The following AGMO variants were observed in gnomAD, a reference collection of about 807,000 sequenced individuals.
The protein encoded by AGMO is alkylglycerol monooxygenase.
In AGMO, 75 loss-of-function variants were observed where a neutral mutation model predicts 60.2. The ratio of observed to expected loss-of-function variants is 1.25; its 90% CI spans 1.03 to 1.51. The LOEUF (loss-of-function observed/expected upper bound fraction) is 1.51. AGMO is among the 40% of genes most tolerant of loss of function. The pLI is 0.00. For missense variants in AGMO, 763 were observed against 525.5 expected (o/e 1.45, Z -4.42); for synonymous variants, 261 against 177.1 (o/e 1.47, Z -3.76).
intron 9 of AGMO, 149 bp downstream of exon 9, chr7:15,387,257 A>G: frequency 3.5e-6 from 3 of 862,522 alleles, no homozygotes; most frequent in Non-Finnish European, 5.3e-6. Context: ...GTGGATACTC[A>G]TTAAGTAAGT....
the AGMO span, among the ~76,000 whole-genome samples, chr7:15,163,790 A>G: frequency 7.3e-6 from 1 of 137,592 alleles, no homozygotes; most frequent in African/African-American, 2.7e-5. Flanking sequence ...CTTTTTTTTT[A>G]TTGTTGTGCC....
chr7:15,287,226 T>C (rs1236274648), intron 12 of AGMO, among the ~76,000 whole-genome samples: 6 of 152,116 alleles, frequency 3.9e-5, no homozygotes, highest in African/African-American at 1.4e-4. Context: ...GCTATTGAAA[T>C]AAAATATATT....
At position 15,410,183 on chromosome 7, in the gene AGMO, TAA is replaced by T. The variant is rs1022813922; in HGVS notation, c.609+8373_609+8374del. On this transcript the variant is annotated intron_variant, in intron 5 of 12. Coordinates refer to ENST00000342526, the MANE Select transcript of AGMO (RefSeq NM_001004320.2). ...AGCTACTTCTTCATGAAGAAAATTA[TAA>T]CTCTTTTTCCACCATTTAACTTTTT... Among the ~76,000 whole-genome samples the T allele has an allele frequency of 5.3e-5, 8 of 151,836 alleles. No homozygotes were observed. In the East Asian group the frequency reaches 1.4e-3, roughly 26 times the overall value.
chr7:15,362,802 AT>A (rs1343150028), intron 12 of AGMO, among the ~76,000 whole-genome samples: 1 of 152,232 alleles, frequency 6.6e-6, no homozygotes, highest in Non-Finnish European at 1.5e-5. Context: ...TTGATAAGAC[AT>A]TTTACTATAG....
intron 3 of AGMO, among the ~76,000 whole-genome samples, chr7:15,513,947 A>G (rs1037390047): frequency 6.6e-6 from 1 of 152,120 alleles, no homozygotes; most frequent in African/African-American, 2.4e-5. Flanking sequence ...ACCCCCAAAC[A>G]CTAAATAATG....
chr7:15,136,573 C>T, the AGMO span, among the ~76,000 whole-genome samples: 1 of 152,098 alleles, frequency 6.6e-6, no homozygotes, highest in Non-Finnish European at 1.5e-5. Context: ...TATGCTCCTT[C>T]TCCATTGGGT....
intron 3 of AGMO, among the ~76,000 whole-genome samples, chr7:15,479,635 G>T (rs1387570813): frequency 6.6e-6 from 1 of 152,040 alleles, no homozygotes; most frequent in African/African-American, 2.4e-5. Flanking sequence ...ATTTGCGAAT[G>T]CAATTTAGTA....
chr7:15,493,815 G>A (rs1312215521), intron 3 of AGMO, among the ~76,000 whole-genome samples: 4 of 152,136 alleles, frequency 2.6e-5, no homozygotes, highest in Non-Finnish European at 1.5e-5. Flanking sequence ...TCAGGGCATG[G>A]TTTGACAGAC....
intron 12 of AGMO, among the ~76,000 whole-genome samples, chr7:15,208,236 T>C (rs1781490077): frequency 6.6e-6 from 1 of 152,158 alleles, no homozygotes; most frequent in Non-Finnish European, 1.5e-5. Flanking sequence ...ACAGTAAGGA[T>C]ACATAGAGAG....
At chr7:15,351,569 C>T (rs1782244455) in intron 12 of AGMO, among the ~76,000 whole-genome samples, 1 of 152,118 alleles carries the variant, frequency 6.6e-6, no homozygotes, top group Admixed American at 6.5e-5. Flanking sequence ...TCATGTACAT[C>T]GTATCTTGTA....
At chr7:15,219,417 G>C (rs1041700301) in intron 12 of AGMO, among the ~76,000 whole-genome samples, 1 of 152,144 alleles carries the variant, frequency 6.6e-6, no homozygotes, top group African/African-American at 2.4e-5. Flanking sequence ...AAGATGAAGA[G>C]GAGTTTGCTA....
Position 15,322,507 on chromosome 7 carries a change from T to TATATATATAA in AGMO, c.1263+42997_1263+43006dup, listed in dbSNP as rs1410967514. ...ATATAAATATATATAAATATATAAA[T>TATATATATAA]ATATATATAAATATATATAAATATA... is the stretch of plus-strand genomic sequence containing the variant. On this transcript the variant is annotated intron_variant, in intron 12 of 12. Coordinates refer to ENST00000342526, the MANE Select transcript of AGMO (RefSeq NM_001004320.2). Among the ~76,000 whole-genome samples the TATATATATAA allele has an allele frequency of 2.1e-4, 16 of 74,740 alleles. 2 individuals carry two copies. The highest frequency in any genetic ancestry group is 1.0e-3 in the African/African-American group (15 of 14,310). 49.0% of individuals were successfully genotyped at this position (74,740 alleles called of 152,430 possible). A position where few individuals can be genotyped will look rare whatever the true frequency, so the allele number is the denominator to read the frequency against.
chr7:15,181,339 T>C, the AGMO span, among the ~76,000 whole-genome samples: 2 of 152,144 alleles, frequency 1.3e-5, no homozygotes, highest in African/African-American at 4.8e-5. Flanking sequence ...TATTCCTACT[T>C]CCTATTTCTA....
chr7:15,192,458 C>G, the AGMO span, among the ~76,000 whole-genome samples: 1 of 152,058 alleles, frequency 6.6e-6, no homozygotes, highest in African/African-American at 2.4e-5. Context: ...TCTTCCCACT[C>G]TATCTCCTTT....
At chr7:15,341,495 G>A (rs114117805) in intron 12 of AGMO, among the ~76,000 whole-genome samples, 2,117 of 152,176 alleles carry the variant, frequency 0.014, 55 homozygotes, top group African/African-American at 0.048. Flanking sequence ...CAGCATTTTG[G>A]TCAAGGACAT....
At chr7:15,301,332 G>A (rs991702886) in intron 12 of AGMO, among the ~76,000 whole-genome samples, 7 of 151,974 alleles carry the variant, frequency 4.6e-5, no homozygotes, top group Non-Finnish European at 8.8e-5. Context: ...CCAGCAACTC[G>A]GGAGGCTGTG....
chr7:15,134,900 T>C, the AGMO span, among the ~76,000 whole-genome samples: 1 of 152,062 alleles, frequency 6.6e-6, no homozygotes, highest in Non-Finnish European at 1.5e-5. Flanking sequence ...AAGTCAACAG[T>C]GGAAACTTTT....
intron 12 of AGMO, among the ~76,000 whole-genome samples, chr7:15,348,539 G>C (rs1028359290): frequency 8.6e-5 from 13 of 151,996 alleles, no homozygotes; most frequent in African/African-American, 3.1e-4. Flanking sequence ...TAATTATTCA[G>C]CAACATTTCT....
intron 5 of AGMO, among the ~76,000 whole-genome samples, chr7:15,404,392 T>G (rs2128490505): frequency 6.6e-6 from 1 of 152,038 alleles, no homozygotes; most frequent in Non-Finnish European, 1.5e-5. Context: ...ACTTTTGGTT[T>G]CTACTTGGAA....
Sources: gnomAD v4.1 joint callset for allele counts (sites outside exome capture counted in the v4.1 genomes callset) on GRCh38, gnomAD v4.1.1 for gene constraint, MANE v1.5 for transcripts, NCBI Gene and HGNC (gene_info 2026-07-23, HGNC 2026-07-21) for gene names.